The following MCTP1 variants were observed in gnomAD, a reference collection of about 807,000 sequenced individuals.
MCTP1 encodes the protein multiple C2 and transmembrane domain containing 1.
A neutral mutation model predicts 120.6 loss-of-function variants in MCTP1; 69 were observed. The observed-to-expected ratio is 0.57, with a 90% CI of 0.47 to 0.70. The LOEUF (loss-of-function observed/expected upper bound fraction) is 0.70, where lower values mean the gene tolerates loss of function less well. MCTP1 is among the 30% of genes least tolerant of loss of function. The probability of loss-of-function intolerance (pLI) is 0.00; values close to 1 mark genes in which losing one functional copy is unlikely to be tolerated. For synonymous variants in MCTP1, 529 were observed against 493.1 expected, an observed-to-expected ratio of 1.07 and a Z score of -0.96; for missense variants, 1,203 against 1,248.8, an observed-to-expected ratio of 0.96 and a Z score of 0.55.
chr5:95,061,494 G>A (rs1749192313), intron 1 of MCTP1, among the ~76,000 whole-genome samples: 2 of 125,304 alleles, frequency 1.6e-5, no homozygotes, highest in African/African-American at 6.2e-5. Flanking sequence ...GGAGTGCAGT[G>A]GCGGGATCTC....
At chr5:94,743,730 CG>C (rs1225559665) in intron 19 of MCTP1, among the ~76,000 whole-genome samples, 6 of 149,144 alleles carry the variant, frequency 4.0e-5, no homozygotes, top group African/African-American at 1.5e-4. Flanking sequence ...CTCCGCCTTC[CG>C]GGTTCACGCC....
At chr5:95,006,819 G>C (rs887518796) in intron 2 of MCTP1, among the ~76,000 whole-genome samples, 1 of 152,126 alleles carries the variant, frequency 6.6e-6, no homozygotes, top group Admixed American at 6.5e-5. Context: ...ATTTATTCTA[G>C]GAAGCATCAG....
At chr5:94,732,204 T>C (rs1429615075) in intron 19 of MCTP1, among the ~76,000 whole-genome samples, 1 of 152,256 alleles carries the variant, frequency 6.6e-6, no homozygotes, top group Admixed American at 6.5e-5. Context: ...TCTGCTAGGA[T>C]ACAGTGTGCA....
intron 2 of MCTP1, among the ~76,000 whole-genome samples, chr5:95,007,931 A>AT (rs527237661): frequency 1.1e-3 from 175 of 152,240 alleles, no homozygotes; most frequent in African/African-American, 4.0e-3. Context: ...TCAACACAGG[A>AT]TTTTTTTAAC....
At chr5:95,139,398 G>A (rs946632849) in intron 1 of MCTP1, among the ~76,000 whole-genome samples, 1 of 152,148 alleles carries the variant, frequency 6.6e-6, no homozygotes, top group Non-Finnish European at 1.5e-5. Context: ...GAAATAAAAA[G>A]ATCTAAACAT....
chr5:94,785,835 A>G (rs978334588), intron 18 of MCTP1, among the ~76,000 whole-genome samples: 1 of 152,174 alleles, frequency 6.6e-6, no homozygotes, highest in African/African-American at 2.4e-5. Context: ...GACATTTTAA[A>G]GAGTAGCATG....
intron 1 of MCTP1, among the ~76,000 whole-genome samples, chr5:95,062,924 T>C (rs928150261): frequency 3.3e-5 from 5 of 152,076 alleles, no homozygotes; most frequent in South Asian, 2.1e-4. Flanking sequence ...GCTCAAGAGA[T>C]CCTCCTACCT....
intron 17 of MCTP1, among the ~76,000 whole-genome samples, chr5:94,829,866 C>T (rs1788136074): frequency 6.6e-6 from 1 of 152,194 alleles, no homozygotes; most frequent in Non-Finnish European, 1.5e-5. Context: ...ATTAGCAACA[C>T]ACAACTGCCA....
intron 17 of MCTP1, among the ~76,000 whole-genome samples, chr5:94,851,409 C>T (rs1793666223): frequency 6.6e-6 from 1 of 152,046 alleles, no homozygotes; most frequent in African/African-American, 2.4e-5. Context: ...AATTCTTCTT[C>T]ACAGTGTTAG....
chr5:95,202,651 TAA>T (rs1355648194), intron 1 of MCTP1, among the ~76,000 whole-genome samples: 1 of 152,236 alleles, frequency 6.6e-6, no homozygotes, highest in Non-Finnish European at 1.5e-5. Flanking sequence ...TAATTTCTCC[TAA>T]GTTTTGTCTT....
intron 2 of MCTP1, among the ~76,000 whole-genome samples, chr5:94,956,611 C>T (rs1345805501): frequency 2.6e-5 from 4 of 151,850 alleles, no homozygotes; most frequent in Non-Finnish European, 5.9e-5. Context: ...ATGAGAACTT[C>T]GTGAAGCATA....
At chr5:94,897,146 T>C (rs1018743824) in intron 10 of MCTP1, among the ~76,000 whole-genome samples, 5 of 151,968 alleles carry the variant, frequency 3.3e-5, no homozygotes, top group Admixed American at 6.6e-5. Flanking sequence ...CACTGCAGCA[T>C]TGACCTCACA....
At chr5:94,852,816 T>C (rs1794010261) in intron 17 of MCTP1, among the ~76,000 whole-genome samples, 1 of 151,992 alleles carries the variant, frequency 6.6e-6, no homozygotes, top group African/African-American at 2.4e-5. Context: ...GCAAGGGATG[T>C]TACTTTTATC....
At chr5:94,727,355 G>A (rs1762328362) in intron 19 of MCTP1, among the ~76,000 whole-genome samples, 1 of 152,102 alleles carries the variant, frequency 6.6e-6, no homozygotes. Context: ...AAGATGCTGT[G>A]TTAGCAAATA....
chr5:94,714,547 CAAGTATG>C (rs1310330301), intron 20 of MCTP1, among the ~76,000 whole-genome samples: 2 of 152,128 alleles, frequency 1.3e-5, no homozygotes, highest in Non-Finnish European at 2.9e-5. Flanking sequence ...TTCAAAGCTA[CAAGTATG>C]ACTTCTTTCC....
At chr5:94,947,577 T>TATATAG in intron 3 of MCTP1, among the ~76,000 whole-genome samples, 49 of 47,372 alleles carry the variant, frequency 1.0e-3, no homozygotes, top group Admixed American at 5.6e-3. Flanking sequence ...TATATATATA[T>TATATAG]AGAGAGAGAG....
Position 94,888,907 on chromosome 5 carries a change from C to G in MCTP1, c.1905G>C (p.Ala635=). The change falls in exon 12 of 23, where the codon GCG becomes GCC. Residue 635 remains alanine, a synonymous_variant. Coordinates refer to ENST00000515393, the MANE Select transcript of MCTP1 (RefSeq NM_024717.7). ...TGACGTCGGCAGCCATTAACCCTTC[C>G]GCTCTGATGACTTTCACCTGGAGAA... ...VGFLQVKVIR[A]EGLMAADVTG... 1 of 1,613,718 alleles carries G rather than the reference C, an allele frequency of 6.2e-7. No individual in the cohort carries two copies. Among genetic ancestry groups the G allele is most frequent in the Non-Finnish European group, 8.5e-7 (1 of 1,179,666 alleles).
At chr5:94,925,849 C>T (rs1015970602) in intron 6 of MCTP1, among the ~76,000 whole-genome samples, 2 of 152,146 alleles carry the variant, frequency 1.3e-5, no homozygotes, top group African/African-American at 4.8e-5. Context: ...ACCAAGATTT[C>T]TAATTTATAA....
chr5:95,117,845 G>A (rs1757933109), intron 1 of MCTP1, among the ~76,000 whole-genome samples: 1 of 152,166 alleles, frequency 6.6e-6, no homozygotes, highest in Non-Finnish European at 1.5e-5. Flanking sequence ...AAAAAGGAAT[G>A]AGATCATGTT....
Sources: gnomAD v4.1 joint callset for allele counts (sites outside exome capture counted in the v4.1 genomes callset) on GRCh38, gnomAD v4.1.1 for gene constraint, MANE v1.5 for transcripts, NCBI Gene and HGNC (gene_info 2026-07-23, HGNC 2026-07-21) for gene names.